The following ZFP91 variants were observed in gnomAD, a reference collection of about 807,000 sequenced individuals.
ZFP91 encodes ZFP91 zinc finger protein, atypical E3 ubiquitin ligase.
ZFP91 carries 7 observed loss-of-function variants against 63.5 expected under a neutral mutation model. The observed-to-expected ratio is 0.11, with a 90% CI of 0.06 to 0.21. ZFP91 has a LOEUF of 0.21. ZFP91 is among the 10% of genes least tolerant of loss of function. The pLI is 1.00. For synonymous variants in ZFP91, 330 were observed against 272.1 expected (o/e 1.21, Z -2.10); for missense variants, 628 against 736.6 (o/e 0.85, Z 1.71).
chr11:58,592,079 CTTTTT>C (rs34964779), intron 2 of ZFP91, among the ~76,000 whole-genome samples: 2 of 108,406 alleles, frequency 1.8e-5, no homozygotes, highest in East Asian at 2.6e-4. Flanking sequence ...CTGAGCACAT[CTTTTT>C]TTTTTTTTTT....
intron 2 of ZFP91, among the ~76,000 whole-genome samples, chr11:58,606,066 C>T (rs1855564862): frequency 6.6e-6 from 1 of 151,708 alleles, no homozygotes. Flanking sequence ...CTCTTAGTTC[C>T]TTTTTTGTGG....
chr11:58,609,803 A>C (rs1324351068), intron 2 of ZFP91, 27 bp from the exon 3 acceptor site: 9 of 1,602,092 alleles, frequency 5.6e-6, no homozygotes, highest in Non-Finnish European at 7.7e-6. Flanking sequence ...TGTAAACTTA[A>C]AGAGAATGGT....
At position 58,617,310 on chromosome 11, in the gene ZFP91, T is replaced by A. The variant is rs768438417; in HGVS notation, c.1317T>A (p.Phe439Leu). The A allele has an allele frequency of 1.2e-6, 2 of 1,614,096 alleles. No individual in the cohort carries two copies. Among genetic ancestry groups the A allele is most frequent in the Non-Finnish European group, 1.7e-6 (2 of 1,179,986 alleles). Residue 439 changes from phenylalanine to leucine, a missense_variant, in exon 11 of 11, where the codon TTT (phenylalanine) becomes TTA (leucine). Physicochemically the swap from Phe to Leu is conservative, Grantham distance 22 (BLOSUM62 0). Coordinates refer to ENST00000316059, the MANE Select transcript of ZFP91 (RefSeq NM_053023.5). This position sits in a 1 kb window ranked among gnomAD's most constrained non-coding sequence, Gnocchi z 4.2. ...QFSCNICGKKFEKKDSVVAHK... is the reference protein window; with the variant it reads ...QFSCNICGKKLEKKDSVVAHK... ...CTTGCAATATCTGTGGCAAAAAATT[T>A]GAGAAGAAGGACAGCGTAGTGGCAC... is the stretch of plus-strand genomic sequence containing the variant.
intron 2 of ZFP91, among the ~76,000 whole-genome samples, chr11:58,594,459 T>TA (rs1406751998): frequency 6.6e-6 from 1 of 152,232 alleles, no homozygotes; most frequent in Non-Finnish European, 1.5e-5. Flanking sequence ...TTCTCAAACT[T>TA]ATGTCTGAGC....
chr11:58,616,007 T>C (rs190212803), intron 9 of ZFP91, among the ~76,000 whole-genome samples: 1 of 152,314 alleles, frequency 6.6e-6, no homozygotes, highest in East Asian at 1.9e-4. Context: ...TGCTCCTTTT[T>C]CCTCCTCATA....
At chr11:58,592,748 T>C (rs1855329149) in intron 2 of ZFP91, among the ~76,000 whole-genome samples, 2 of 152,190 alleles carry the variant, frequency 1.3e-5, no homozygotes, top group Admixed American at 1.3e-4. Flanking sequence ...TTTAATGATC[T>C]ATTGCACTGT....
At chr11:58,600,706 A>C (rs577157869) in intron 2 of ZFP91, among the ~76,000 whole-genome samples, 2 of 152,150 alleles carry the variant, frequency 1.3e-5, no homozygotes, top group Non-Finnish European at 2.9e-5. Flanking sequence ...ATGGAAGTGA[A>C]GAATGAGGGC....
chr11:58,590,851 A>G (rs1234194778), intron 2 of ZFP91, among the ~76,000 whole-genome samples: 1 of 151,674 alleles, frequency 6.6e-6, no homozygotes, highest in African/African-American at 2.4e-5. Flanking sequence ...TGGCTACTGT[A>G]CATTTATATT....
chr11:58,587,404 A>G (rs1007155800), intron 2 of ZFP91, among the ~76,000 whole-genome samples: 6 of 152,210 alleles, frequency 3.9e-5, no homozygotes, highest in African/African-American at 1.2e-4. Flanking sequence ...TGAAATGATA[A>G]GGGAAGACCT....
chr11:58,614,400 G>T, intron 9 of ZFP91, 57 bp downstream of exon 9: 1 of 1,254,302 alleles, frequency 8.0e-7, no homozygotes, highest in Non-Finnish European at 1.1e-6. Flanking sequence ...AGTTTTGCAT[G>T]TTGGTAATGA....
intron 6 of ZFP91, 34 bp downstream of exon 6, chr11:58,611,772 C>A (rs866672933): frequency 1.3e-6 from 2 of 1,576,056 alleles, no homozygotes; most frequent in Middle Eastern, 1.9e-4. Context: ...GAAAATCTAA[C>A]AGATTTTGAA....
intron 2 of ZFP91, among the ~76,000 whole-genome samples, chr11:58,588,387 A>C (rs772522290): frequency 6.6e-6 from 1 of 152,110 alleles, no homozygotes; most frequent in Non-Finnish European, 1.5e-5. Context: ...TAATCAGCAT[A>C]CTATCTGTAA....
intron 2 of ZFP91, among the ~76,000 whole-genome samples, chr11:58,609,484 C>CT (rs1187429984): frequency 6.6e-6 from 1 of 152,150 alleles, no homozygotes; most frequent in Non-Finnish European, 1.5e-5. Context: ...TTCTGGTCAT[C>CT]TTTTTGGGAC....
Position 58,579,439 on chromosome 11 carries a change from G to T in ZFP91, c.158G>T (p.Gly53Val), listed in dbSNP as rs530045042. 6.9e-7 allele frequency: 1 copy of T among 1,451,000 alleles called. No individual in the cohort carries two copies. The highest frequency in any genetic ancestry group is 1.5e-5 in the African/African-American group (1 of 66,768). The allele number at this position is 1,451,000 out of a possible 1,614,324, so 89.9% of individuals were successfully genotyped here. ...ACTAGCAGCCGCGTGCTGAGGGGAG[G>T]TCGGGACCGAGGCCGGGCCGCTGCG... ...GTTSSRVLRG[G>V]RDRGRAAAAA... The change falls in exon 1 of 11, where the codon GGT becomes GTT. Residue 53 changes from glycine (G) to valine (V), a missense_variant. This residue lies in a region of ZFP91 where 437 missense variants were observed against 380.3 expected (regional missense o/e 1.15). Transcript: ENST00000316059.
chr11:58,581,860 G>A (rs556657825), intron 1 of ZFP91, among the ~76,000 whole-genome samples: 9 of 152,182 alleles, frequency 5.9e-5, no homozygotes, highest in African/African-American at 1.9e-4. Flanking sequence ...TTCCTTGTGG[G>A]GAGGAAGAAA....
chr11:58,585,070 A>G (rs1051850511), intron 2 of ZFP91, among the ~76,000 whole-genome samples, 186 bp downstream of exon 2: 5 of 152,194 alleles, frequency 3.3e-5, no homozygotes, highest in African/African-American at 1.2e-4. Flanking sequence ...CATTATTTAG[A>G]AACCTAATAA....
chr11:58,579,718 C>T (rs1223951750), intron 1 of ZFP91, 96 bp downstream of exon 1: 3 of 1,213,190 alleles, frequency 2.5e-6, no homozygotes, highest in African/African-American at 1.6e-5. Flanking sequence ...GACATCCTGC[C>T]TGGTCTGCCC....
chr11:58,609,713 T>G, intron 2 of ZFP91, 117 bp from the exon 3 acceptor site: 1 of 931,624 alleles, frequency 1.1e-6, no homozygotes, highest in Non-Finnish European at 1.6e-6. Context: ...AGTCTTCAGT[T>G]TTTTTTCCTT....
Position 58,618,576 on chromosome 11 carries a change from AT to A in ZFP91, c.*882del, listed in dbSNP as rs11426880. ...TCCTTATTTATTAACAGGAAGTCTGATTTTTTTTTTTTGGAGTCTTTGTTGC... is the reference window on the plus strand; with the variant it reads ...TCCTTATTTATTAACAGGAAGTCTGATTTTTTTTTTTGGAGTCTTTGTTGC... On this transcript the variant is annotated 3_prime_UTR_variant, in exon 11 of 11. Coordinates refer to ENST00000316059, the MANE Select transcript of ZFP91 (RefSeq NM_053023.5). 12,780 of 346,994 alleles carry A rather than the reference AT, an allele frequency of 0.037. No individual in the cohort carries two copies. Among genetic ancestry groups the A allele is most frequent in the South Asian group, 0.054 (2,417 of 44,522 alleles). The allele number at this position is 346,994 out of a possible 1,614,324, so 21.5% of individuals were successfully genotyped here. A position where few individuals can be genotyped will look rare whatever the true frequency, so the allele number is the denominator to read the frequency against.
Sources: allele counts gnomAD v4.1 joint callset (sites outside exome capture counted in the v4.1 genomes callset), GRCh38; gene constraint gnomAD v4.1.1; regional missense constraint gnomAD v4.1.1; non-coding constraint Gnocchi (gnomAD v3.1); transcripts MANE v1.5; gene names NCBI Gene and HGNC (gene_info 2026-07-23, HGNC 2026-07-21).